Variants in TARBP1 observed in about 807,000 individuals in gnomAD.
TARBP1 encodes the protein tRNA (guanosine(18)-2'-O)-methyltransferase TARBP1.
A neutral mutation model predicts 178.6 loss-of-function variants in TARBP1; 144 were observed. That is an observed-to-expected ratio of 0.81 (90% confidence interval 0.70 to 0.93). The LOEUF is 0.93. Among genes scored for constraint, TARBP1 ranks in the 40% least tolerant of loss-of-function variants. The pLI, the probability that TARBP1 is intolerant of heterozygous loss-of-function variation, is 0.00. For synonymous variants in TARBP1, 787 were observed against 781.0 expected (o/e 1.01, Z -0.13); for missense variants, 2,067 against 2,011.7 (o/e 1.03, Z -0.53).
At position 234,393,484 on chromosome 1, in the gene TARBP1, G is replaced by C. The variant is rs1449497327; in HGVS notation, c.4438C>G (p.Leu1480Val). 1.3e-6 allele frequency: 2 copies of C among 1,591,356 alleles called. No homozygotes were observed. The highest frequency in any genetic ancestry group is 3.6e-5 in the Admixed American group (2 of 55,526). The change falls in exon 28 of 30, where the codon CTG becomes GTG. Residue 1480 changes from leucine to valine, a missense_variant and splice_region_variant. Leu to Val is a conservative substitution (Grantham distance 32). Coordinates refer to ENST00000040877, the MANE Select transcript of TARBP1 (RefSeq NM_005646.4). ...CCAAATACCTCACAGGTCCTGCACA[G>C]TCCTGCACAGAACACCTGGGATCAT... is the stretch of plus-strand genomic sequence containing the variant. ...LIDKPTNLGGLCRTCEVFGAS... is the reference protein window; with the variant it reads ...LIDKPTNLGGVCRTCEVFGAS...
At position 234,471,177 on chromosome 1, in the gene TARBP1, G is replaced by C. The variant is rs578169295; in HGVS notation, c.1099+11C>G. On this transcript the variant is annotated intron_variant, in intron 3 of 29. Transcript: ENST00000040877. ...AATGTTATTAAAAAATAAAATAAAA[G>C]TAATCGTTACCATTTTCCTCTGACA... 6.3e-7 allele frequency: 1 copy of C among 1,575,118 alleles called. No homozygotes were observed. Among genetic ancestry groups the C allele is most frequent in the Non-Finnish European group, 8.6e-7 (1 of 1,161,218 alleles).
intron 14 of TARBP1, among the ~76,000 whole-genome samples, chr1:234,431,760 CAA>C (rs1032885245): frequency 6.6e-6 from 1 of 152,172 alleles, no homozygotes. Flanking sequence ...GGTCACACAG[CAA>C]AAATAAAGCC....
At chr1:234,450,734 CAAA>C (rs1229239542) in intron 9 of TARBP1, among the ~76,000 whole-genome samples, 168 bp from the exon 10 acceptor site, 1 of 150,832 alleles carries the variant, frequency 6.6e-6, no homozygotes, top group East Asian at 1.9e-4. Context: ...ACAGTAAAAA[CAAA>C]AAAACTATGT....
At chr1:234,454,500 G>A (rs994455831) in intron 9 of TARBP1, among the ~76,000 whole-genome samples, 8 of 152,054 alleles carry the variant, frequency 5.3e-5, no homozygotes, top group Non-Finnish European at 8.8e-5. Context: ...AAAGAAGACC[G>A]GCCATGAGCA....
intron 23 of TARBP1, among the ~76,000 whole-genome samples, chr1:234,408,987 C>T (rs894285352): frequency 4.6e-5 from 7 of 152,188 alleles, no homozygotes; most frequent in Admixed American, 3.3e-4. Flanking sequence ...GTACAGATCC[C>T]ACATGCAGGT....
chr1:234,410,063 T>G (rs899058203), intron 23 of TARBP1, among the ~76,000 whole-genome samples: 15 of 152,366 alleles, frequency 9.8e-5, no homozygotes, highest in Admixed American at 8.5e-4. Flanking sequence ...TGGCCATAAG[T>G]TTCTTTGCAC....
intron 20 of TARBP1, 35 bp downstream of exon 20, chr1:234,425,638 A>T (rs1204179064): frequency 6.3e-7 from 1 of 1,595,756 alleles, no homozygotes; most frequent in Non-Finnish European, 8.6e-7. Flanking sequence ...TCTGACTGTT[A>T]AAAACAAAGA....
At chr1:234,446,295 A>G (rs1339584277) in intron 12 of TARBP1, among the ~76,000 whole-genome samples, 1 of 152,146 alleles carries the variant, frequency 6.6e-6, no homozygotes, top group Non-Finnish European at 1.5e-5. Flanking sequence ...TGCTTCTACT[A>G]TTATCACTAA....
chr1:234,412,391 C>T (rs1002339395), intron 22 of TARBP1, among the ~76,000 whole-genome samples: 9 of 150,024 alleles, frequency 6.0e-5, no homozygotes, highest in Non-Finnish European at 1.3e-4. Context: ...CACTGCACTC[C>T]AGCCTGGGGG....
At chr1:234,447,624 T>C (rs997502386) in intron 11 of TARBP1, among the ~76,000 whole-genome samples, 1 of 152,090 alleles carries the variant, frequency 6.6e-6, no homozygotes, top group Admixed American at 6.6e-5. Context: ...CCAACTTCGG[T>C]ACAAAATCTT....
Position 234,478,828 on chromosome 1 carries a change from G to GT in TARBP1, c.275dup (p.His92GlnfsTer31). 1 of 1,190,366 alleles carries GT rather than the reference G, an allele frequency of 8.4e-7. No homozygotes were observed. Among genetic ancestry groups the GT allele is most frequent in the Non-Finnish European group, 1.0e-6 (1 of 963,676 alleles). The allele number at this position is 1,190,366 out of a possible 1,614,324, so 73.7% of individuals were successfully genotyped here. On this transcript the variant is annotated frameshift_variant, in exon 1 of 30. Coordinates refer to ENST00000040877, the MANE Select transcript of TARBP1 (RefSeq NM_005646.4). LOFTEE classifies it high-confidence loss of function. The stretch of plus-strand genomic sequence containing the variant: ...CCGCCGCCCTCAGCACGCGCCGGCG[G>GT]TGGCGAGGCTGCAGACTGGGGTCCG...
At chr1:234,464,001 C>T in intron 5 of TARBP1, 67 bp from the exon 6 acceptor site, 1 of 925,530 alleles carries the variant, frequency 1.1e-6, no homozygotes, top group Non-Finnish European at 1.5e-6. Context: ...CTAAAACTAG[C>T]CTAAATGGAC....
chr1:234,398,624 ACAAC>A, intron 25 of TARBP1, 71 bp from the exon 26 acceptor site: 1 of 1,157,560 alleles, frequency 8.6e-7, no homozygotes, highest in Non-Finnish European at 1.2e-6. Context: ...CATTTAAAAT[ACAAC>A]TTAATTATTA....
At position 234,412,421 on chromosome 1, in the gene TARBP1, CA is replaced by C. The variant is rs746099418; in HGVS notation, c.3706-1891del. On this transcript the variant is annotated intron_variant, in intron 22 of 29. Transcript: ENST00000040877. ...TGGGGGACAGAGACAGACGCCGTCT[CA>C]AAAAAAAAAAAAAAGACAATATGGG... Among the ~76,000 whole-genome samples the C allele has an allele frequency of 7.7e-3, 714 of 92,322 alleles. 2 individuals are homozygous for C. Among genetic ancestry groups the C allele is most frequent in the Middle Eastern group, 0.023 (3 of 132 alleles). 60.6% of individuals were successfully genotyped at this position (92,322 alleles called of 152,430 possible). A position where few individuals can be genotyped will look rare whatever the true frequency, so the allele number is the denominator to read the frequency against.
chr1:234,413,931 T>C (rs1324363740), intron 22 of TARBP1, among the ~76,000 whole-genome samples: 1 of 152,226 alleles, frequency 6.6e-6, no homozygotes, highest in Admixed American at 6.5e-5. Flanking sequence ...TCAAGGTTTC[T>C]GGTTTGTGCA....
At chr1:234,467,082 T>A (rs893418236) in intron 4 of TARBP1, among the ~76,000 whole-genome samples, 2 of 152,130 alleles carry the variant, frequency 1.3e-5, no homozygotes, top group Non-Finnish European at 2.9e-5. Context: ...TAGAAGGCAA[T>A]CCCTATTTCA....
chr1:234,433,325 A>G (rs976668673), intron 14 of TARBP1, 85 bp downstream of exon 14: 80 of 1,353,034 alleles, frequency 5.9e-5, no homozygotes, highest in Non-Finnish European at 7.8e-5. Context: ...TTTGTATGGT[A>G]TCAAAATAGT....
intron 4 of TARBP1, among the ~76,000 whole-genome samples, chr1:234,466,454 G>A (rs1181581835): frequency 2.0e-5 from 3 of 152,206 alleles, no homozygotes; most frequent in Admixed American, 6.5e-5. Flanking sequence ...AGAGGTTGCA[G>A]TGAGCTGAGA....
At chr1:234,454,810 C>T (rs145091573) in intron 9 of TARBP1, among the ~76,000 whole-genome samples, 26 of 152,288 alleles carry the variant, frequency 1.7e-4, no homozygotes, top group African/African-American at 5.8e-4. Context: ...GTCCTAATCC[C>T]GGAACCTGTG....
Sources: allele counts gnomAD v4.1 joint callset (sites outside exome capture counted in the v4.1 genomes callset), GRCh38; gene constraint gnomAD v4.1.1; transcripts MANE v1.5; gene names NCBI Gene and HGNC (gene_info 2026-07-23, HGNC 2026-07-21).